Variants in PTPRT observed in about 807,000 individuals in gnomAD.
PTPRT encodes protein tyrosine phosphatase receptor type T.
Under a neutral mutation model 176.8 loss-of-function variants are expected in PTPRT, and 56 were observed. That is an observed-to-expected ratio of 0.32 (90% CI 0.26 to 0.40). The LOEUF (loss-of-function observed/expected upper bound fraction) is 0.40. Among genes scored for constraint, PTPRT ranks in the 10% least tolerant of loss-of-function variants. PTPRT has a pLI of 1.00. For missense variants in PTPRT, 1,540 were observed against 1,908.2 expected, an observed-to-expected ratio of 0.81 and a Z score of 3.60; for synonymous variants, 783 against 739.0, an observed-to-expected ratio of 1.06 and a Z score of -0.96.
At chr20:42,852,928 T>TGCTAGCATACTTGAGGAGCC (rs2078500938) in intron 2 of PTPRT, among the ~76,000 whole-genome samples, 1 of 152,082 alleles carries the variant, frequency 6.6e-6, no homozygotes, top group Non-Finnish European at 1.5e-5. Context: ...CCACCCAGGT[T>TGCTAGCATACTTGAGGAGCC]GCTAGCATAC....
intron 11 of PTPRT, among the ~76,000 whole-genome samples, chr20:42,329,355 G>T (rs1476676980): frequency 6.6e-6 from 1 of 152,016 alleles, no homozygotes; most frequent in Non-Finnish European, 1.5e-5. Context: ...TGAACAACAA[G>T]AAATAGGAAG....
intron 3 of PTPRT, among the ~76,000 whole-genome samples, chr20:42,788,553 A>G (rs2077326223): frequency 6.6e-6 from 1 of 152,160 alleles, no homozygotes; most frequent in Admixed American, 6.5e-5. Flanking sequence ...ACTTAGGTCC[A>G]TCTCCCAGGC....
At position 42,502,405 on chromosome 20, in the gene PTPRT, AACACACACACACACACACACAC is replaced by A. The variant is rs11467404; in HGVS notation, c.1154-29865_1154-29844del. Among the ~76,000 whole-genome samples the A allele has an allele frequency of 9.5e-3, 1,304 of 137,408 alleles. 18 individuals carry two copies. Among genetic ancestry groups the A allele is most frequent in the African/African-American group, 0.032 (1,265 of 39,338 alleles). 90.1% of individuals were successfully genotyped at this position (137,408 alleles called of 152,430 possible). A position where few individuals can be genotyped will look rare whatever the true frequency, so the allele number is the denominator to read the frequency against. Reference sequence around the variant, plus strand: ...CTAGAAAAAATTACATATGTATACAAACACACACACACACACACACACACACACACACACACACACACATCTC... The same window carrying A: ...CTAGAAAAAATTACATATGTATACAAACACACACACACACACACACATCTC... On this transcript the variant is annotated intron_variant, in intron 7 of 30. Coordinates refer to ENST00000373187, the MANE Select transcript of PTPRT (RefSeq NM_007050.6).
chr20:42,756,471 T>C lies in PTPRT; in HGVS notation c.850A>G (p.Ile284Val). 1 of 1,558,490 alleles carries C rather than the reference T, an allele frequency of 6.4e-7. No individual in the cohort carries two copies. Among genetic ancestry groups the C allele is most frequent in the Non-Finnish European group, 8.7e-7 (1 of 1,147,534 alleles). ...GSGVSNYAEL[I>V]VKEPPTPIAP... ...GGCTGGAGGCACTCACCTTTCACGA[T>C]CAGCTCCGCGTAGTTGGACACACCA... Residue 284 changes from isoleucine (I) to valine (V), a missense_variant, in exon 6 of 31, where the codon ATC becomes GTC. Coordinates refer to ENST00000373187, the MANE Select transcript of PTPRT (RefSeq NM_007050.6).
intron 6 of PTPRT, among the ~76,000 whole-genome samples, chr20:42,711,258 G>T (rs1418660332): frequency 6.6e-6 from 1 of 152,084 alleles, no homozygotes; most frequent in East Asian, 1.9e-4. Context: ...CATGATATTT[G>T]GGGTCCAGGG....
intron 1 of PTPRT, among the ~76,000 whole-genome samples, chr20:42,949,416 A>G (rs1981090158): frequency 6.6e-6 from 1 of 152,228 alleles, no homozygotes; most frequent in South Asian, 2.1e-4. Context: ...GTAGAGACAG[A>G]GTGCAATGTC....
chr20:42,335,252 T>C (rs932291462), intron 11 of PTPRT, among the ~76,000 whole-genome samples: 1 of 152,160 alleles, frequency 6.6e-6, no homozygotes, highest in African/African-American at 2.4e-5. Flanking sequence ...TGGAGAGCTA[T>C]GTGTCTGCCC....
At chr20:42,133,224 G>A (rs1988211354) in intron 18 of PTPRT, among the ~76,000 whole-genome samples, 1 of 152,166 alleles carries the variant, frequency 6.6e-6, no homozygotes, top group African/African-American at 2.4e-5. Flanking sequence ...AAGCTATGAT[G>A]TTTGTCAGGT....
chr20:42,740,970 C>T (rs539609477), intron 6 of PTPRT, among the ~76,000 whole-genome samples: 1 of 152,254 alleles, frequency 6.6e-6, no homozygotes, highest in Admixed American at 6.5e-5. Context: ...CCCCAAAGAA[C>T]TTGAGAGAGA....
chr20:42,363,270 T>TTTTATATATATATATATATATATA (rs1312740759), intron 9 of PTPRT, among the ~76,000 whole-genome samples: 2 of 30,378 alleles, frequency 6.6e-5, no homozygotes, highest in African/African-American at 2.7e-4. Context: ...TTTATTACAA[T>TTTTATATATATATATATATATATA]TATATATATA....
intron 2 of PTPRT, among the ~76,000 whole-genome samples, chr20:42,874,855 C>G (rs766617514): frequency 1.3e-5 from 2 of 152,216 alleles, no homozygotes; most frequent in Non-Finnish European, 2.9e-5. Context: ...TATCCATTCA[C>G]ATAGACTTTA....
At chr20:43,035,905 C>G (rs1986359025) in intron 1 of PTPRT, among the ~76,000 whole-genome samples, 1 of 152,160 alleles carries the variant, frequency 6.6e-6, no homozygotes, top group South Asian at 2.1e-4. Context: ...ATTTCATGCT[C>G]CTGTCTGGAA....
intron 15 of PTPRT, among the ~76,000 whole-genome samples, chr20:42,205,760 T>C (rs1431646886): frequency 6.6e-6 from 1 of 152,038 alleles, no homozygotes; most frequent in Non-Finnish European, 1.5e-5. Flanking sequence ...CCAGATAAAC[T>C]TTCCTGGAAA....
At chr20:42,867,683 C>CT (rs5841476) in intron 2 of PTPRT, among the ~76,000 whole-genome samples, 3,916 of 113,416 alleles carry the variant, frequency 0.035, 137 homozygotes, top group Non-Finnish European at 0.05. Context: ...TACATATGGC[C>CT]TTTTTTTTTT....
At chr20:42,469,526 G>A (rs2071157656) in intron 8 of PTPRT, among the ~76,000 whole-genome samples, 1 of 152,108 alleles carries the variant, frequency 6.6e-6, no homozygotes, top group African/African-American at 2.4e-5. Context: ...TACAGATGAG[G>A]AAACAAAGGC....
At chr20:42,915,566 G>T (rs1167800851) in intron 1 of PTPRT, among the ~76,000 whole-genome samples, 1 of 152,202 alleles carries the variant, frequency 6.6e-6, no homozygotes, top group Non-Finnish European at 1.5e-5. Context: ...CACAGCTGGG[G>T]ACAGGTGAAT....
intron 15 of PTPRT, among the ~76,000 whole-genome samples, chr20:42,209,257 A>T (rs1487854352): frequency 6.6e-6 from 1 of 152,190 alleles, no homozygotes; most frequent in Non-Finnish European, 1.5e-5. Flanking sequence ...AAGAGCAAAC[A>T]CATTCAAAAG....
the PTPRT span, among the ~76,000 whole-genome samples, chr20:42,062,689 T>A: frequency 3.3e-5 from 5 of 152,216 alleles, no homozygotes; most frequent in East Asian, 9.6e-4. Context: ...CCCCTTTTTT[T>A]CCCTGCAGGC....
At chr20:42,250,510 A>C (rs1015864952) in intron 13 of PTPRT, among the ~76,000 whole-genome samples, 4 of 151,718 alleles carry the variant, frequency 2.6e-5, no homozygotes, top group African/African-American at 9.7e-5. Flanking sequence ...TTTTTTGCTT[A>C]AGAGCATTAA....
Sources: gnomAD v4.1 joint callset for allele counts (sites outside exome capture counted in the v4.1 genomes callset) on GRCh38, gnomAD v4.1.1 for gene constraint, MANE v1.5 for transcripts, NCBI Gene and HGNC (gene_info 2026-07-23, HGNC 2026-07-21) for gene names.